The following SND1 variants were observed in gnomAD, a reference collection of about 807,000 sequenced individuals.
The protein encoded by SND1 is staphylococcal nuclease and tudor domain containing 1.
A neutral mutation model predicts 121.7 loss-of-function variants in SND1; 38 were observed. The observed-to-expected ratio is 0.31, with a 90% CI of 0.24 to 0.41. SND1 has a LOEUF of 0.41. Ranked by LOEUF, SND1 falls within the 10% of genes least tolerant of loss-of-function variation. The probability of loss-of-function intolerance (pLI) is 1.00; values close to 1 mark genes in which losing one functional copy is unlikely to be tolerated. For synonymous variants in SND1, 401 were observed against 447.4 expected, an observed-to-expected ratio of 0.90 and a Z score of 1.31; for missense variants, 868 against 1,184.6, an observed-to-expected ratio of 0.73 and a Z score of 3.92.
intron 11 of SND1, among the ~76,000 whole-genome samples, chr7:127,841,355 A>G (rs1244267495): frequency 2.0e-5 from 3 of 152,140 alleles, no homozygotes; most frequent in Non-Finnish European, 4.4e-5. Flanking sequence ...AAAACACGAA[A>G]GATACATGGA....
At chr7:127,771,098 A>G (rs1242615981) in intron 10 of SND1, among the ~76,000 whole-genome samples, 3 of 152,236 alleles carry the variant, frequency 2.0e-5, no homozygotes, top group African/African-American at 7.2e-5. Context: ...ATCTGGACTC[A>G]GTATTTTCGT....
At chr7:127,722,914 T>G (rs969518697) in intron 10 of SND1, among the ~76,000 whole-genome samples, 1 of 152,194 alleles carries the variant, frequency 6.6e-6, no homozygotes, top group Non-Finnish European at 1.5e-5. Context: ...TAAGGTTCTC[T>G]CAGTAACTGT....
At chr7:127,822,340 A>G (rs1253146588) in intron 11 of SND1, among the ~76,000 whole-genome samples, 1 of 152,242 alleles carries the variant, frequency 6.6e-6, no homozygotes, top group Non-Finnish European at 1.5e-5. Context: ...GCTTACAAGT[A>G]GTAAAGGATT....
chr7:128,025,360 C>G (rs998078121), intron 16 of SND1, among the ~76,000 whole-genome samples: 2 of 152,030 alleles, frequency 1.3e-5, no homozygotes, highest in South Asian at 4.2e-4. Context: ...AGCAGTGTGA[C>G]CTTGGATATG....
Position 128,092,282 on chromosome 7 carries a change from A to G in SND1, c.*224A>G. 1 of 550,850 alleles carries G rather than the reference A, an allele frequency of 1.8e-6. No homozygotes were observed. The highest frequency in any genetic ancestry group is 3.2e-6 in the Non-Finnish European group (1 of 309,896). 34.1% of individuals were successfully genotyped at this position (550,850 alleles called of 1,614,324 possible). A position where few individuals can be genotyped will look rare whatever the true frequency, so the allele number is the denominator to read the frequency against. On this transcript the variant is annotated 3_prime_UTR_variant, in exon 24 of 24. Transcript: ENST00000354725. This position sits in a 1 kb window ranked among gnomAD's most constrained non-coding sequence, Gnocchi z 4.9. ...TCTGGGATGATGGGCACTGCTATCC[A>G]CAGTCTCTGCCAGTTGGTTTTATTT...
In SND1 at chr7:127,653,642, A is replaced by T. The variant is rs531317778; in HGVS notation, c.78+1191A>T. Among the ~76,000 whole-genome samples the T allele has an allele frequency of 9.9e-5, 15 of 152,146 alleles. No homozygotes were observed. The South Asian group carries it at 1.7e-3, about 17-fold the overall frequency. Reference sequence around the variant, plus strand: ...TGGGCAACATAGCAAGACCCAGTTTAAAAAAAATTCTATTTTATTACCCTG... The same window carrying T: ...TGGGCAACATAGCAAGACCCAGTTTTAAAAAAATTCTATTTTATTACCCTG... On this transcript the variant is annotated intron_variant, in intron 1 of 23. Coordinates refer to ENST00000354725, the MANE Select transcript of SND1 (RefSeq NM_014390.4).
At chr7:127,957,847 C>T (rs188763628) in intron 15 of SND1, among the ~76,000 whole-genome samples, 3 of 152,194 alleles carry the variant, frequency 2.0e-5, no homozygotes, top group Admixed American at 1.3e-4. Flanking sequence ...ATTACAGGCG[C>T]GAGCCACCAC....
At chr7:127,735,689 C>T (rs1221334560) in intron 10 of SND1, among the ~76,000 whole-genome samples, 4 of 152,216 alleles carry the variant, frequency 2.6e-5, no homozygotes, top group Admixed American at 2.6e-4. Context: ...TGCAGTGGCA[C>T]GATCTTGGCT....
At chr7:127,707,046 G>A (rs557489856) in intron 8 of SND1, among the ~76,000 whole-genome samples, 1 of 152,032 alleles carries the variant, frequency 6.6e-6, no homozygotes, top group Non-Finnish European at 1.5e-5. Flanking sequence ...TAAATTTCTG[G>A]CTACATAGGT....
chr7:127,694,937 A>C lies in SND1; in HGVS notation c.338A>C (p.Tyr113Ser). The C allele has an allele frequency of 6.2e-7, 1 of 1,612,784 alleles. No homozygotes were observed. Among genetic ancestry groups the C allele is most frequent in the Non-Finnish European group, 8.5e-7 (1 of 1,179,156 alleles). Residue 113 changes from tyrosine to serine, a missense_variant, in exon 3 of 24, where the codon TAC (tyrosine) becomes TCC (serine). This residue lies in a region of SND1 where 743 missense variants were observed against 1,071.3 expected (regional missense o/e 0.69). Transcript: ENST00000354725. ...TPQGREYGMI[Y>S]LGKDTNGENI... Reference sequence around the variant, plus strand: ...CAGGGGCGAGAGTATGGCATGATCTACCTTGGAAAAGGTGAGCTGCAGGGA... The same window carrying C: ...CAGGGGCGAGAGTATGGCATGATCTCCCTTGGAAAAGGTGAGCTGCAGGGA...
intron 11 of SND1, among the ~76,000 whole-genome samples, chr7:127,810,848 G>A (rs1798323964): frequency 6.6e-6 from 1 of 152,154 alleles, no homozygotes; most frequent in Non-Finnish European, 1.5e-5. Flanking sequence ...CATTTCTATA[G>A]CTCTTGTCCC....
At chr7:127,988,241 C>T (rs1686710597) in intron 15 of SND1, among the ~76,000 whole-genome samples, 1 of 152,192 alleles carries the variant, frequency 6.6e-6, no homozygotes, top group Non-Finnish European at 1.5e-5. Context: ...AAAGCCTGTC[C>T]TGCTCTCCTG....
At chr7:127,840,962 T>TAGA (rs1798954348) in intron 11 of SND1, among the ~76,000 whole-genome samples, 1 of 152,234 alleles carries the variant, frequency 6.6e-6, no homozygotes, top group East Asian at 1.9e-4. Flanking sequence ...TTGTTTCTTT[T>TAGA]GGTTATTGAA....
intron 16 of SND1, among the ~76,000 whole-genome samples, chr7:128,004,956 T>C (rs890876028): frequency 7.9e-5 from 12 of 152,248 alleles, no homozygotes; most frequent in African/African-American, 2.9e-4. Flanking sequence ...TCTTTGTTAT[T>C]TTCAAGTACG....
chr7:127,886,054 T>C (rs1215008181), intron 12 of SND1, among the ~76,000 whole-genome samples: 1 of 152,102 alleles, frequency 6.6e-6, no homozygotes, highest in Non-Finnish European at 1.5e-5. Flanking sequence ...TTCTCCATGC[T>C]GCCAAACACA....
intron 10 of SND1, among the ~76,000 whole-genome samples, chr7:127,778,287 C>T (rs578231334): frequency 2.0e-5 from 3 of 151,450 alleles, no homozygotes; most frequent in South Asian, 2.1e-4. Flanking sequence ...CTCCACCTCC[C>T]GGGTTCAAGC....
At chr7:127,992,639 T>C (rs1802546728) in intron 16 of SND1, among the ~76,000 whole-genome samples, 1 of 152,230 alleles carries the variant, frequency 6.6e-6, no homozygotes, top group South Asian at 2.1e-4. Context: ...CTAAGTCAAA[T>C]TTCTCACCAT....
chr7:127,942,869 T>G (rs916558149), intron 15 of SND1, among the ~76,000 whole-genome samples: 1 of 152,212 alleles, frequency 6.6e-6, no homozygotes, highest in Non-Finnish European at 1.5e-5. Flanking sequence ...ATAATCCAAG[T>G]ACAGATGATA....
Position 128,052,213 on chromosome 7 carries a change from G to T in SND1, c.1780-22289G>T, listed in dbSNP as rs1350805379. On this transcript the variant is annotated intron_variant, in intron 16 of 23. Transcript: ENST00000354725. This position sits in a 1 kb window ranked among gnomAD's most constrained non-coding sequence, Gnocchi z 4.6. Reference sequence around the variant, plus strand: ...CCCAGAGGAGCTGCCAGGCAGGACGGAAGGCTGGGGCTGCCAGTGGTCCAT... The same window carrying T: ...CCCAGAGGAGCTGCCAGGCAGGACGTAAGGCTGGGGCTGCCAGTGGTCCAT... Among the ~76,000 whole-genome samples the T allele has an allele frequency of 6.6e-6, 1 of 152,206 alleles. No homozygotes were observed. The highest frequency in any genetic ancestry group is 1.5e-5 in the Non-Finnish European group (1 of 68,038).
Sources: gnomAD v4.1 joint callset for allele counts (sites outside exome capture counted in the v4.1 genomes callset) on GRCh38, gnomAD v4.1.1 for gene constraint, gnomAD v4.1.1 regional missense constraint, Gnocchi (gnomAD v3.1) non-coding constraint, MANE v1.5 for transcripts, NCBI Gene and HGNC (gene_info 2026-07-23, HGNC 2026-07-21) for gene names.